Variants in SNX19 observed in about 807,000 individuals in gnomAD.
The protein encoded by SNX19 is sorting nexin-19.
A neutral mutation model predicts 85.2 loss-of-function variants in SNX19; 60 were observed. The ratio of observed to expected loss-of-function variants is 0.70; its 90% CI spans 0.57 to 0.87. The LOEUF is 0.87. SNX19 is among the 40% of genes least tolerant of loss of function. SNX19 has a pLI of 0.00. For missense variants in SNX19, 1,201 were observed against 1,217.8 expected (o/e 0.99, Z 0.21); for synonymous variants, 520 against 470.0 (o/e 1.11, Z -1.38).
intron 1 of SNX19, among the ~76,000 whole-genome samples, chr11:130,913,597 G>C (rs1312786135): frequency 9.2e-6 from 1 of 108,124 alleles, no homozygotes; most frequent in Non-Finnish European, 2.3e-5. Context: ...TTCAAGTGTG[G>C]AAGGCAAGTA....
intron 8 of SNX19, among the ~76,000 whole-genome samples, chr11:130,885,315 A>G (rs1413301555): frequency 6.6e-6 from 1 of 152,232 alleles, no homozygotes; most frequent in African/African-American, 2.4e-5. Flanking sequence ...CATCCACTCC[A>G]TGTTCAAGGG....
intron 7 of SNX19, among the ~76,000 whole-genome samples, chr11:130,903,696 CATAT>C (rs146822848): frequency 2.2e-5 from 3 of 134,584 alleles, no homozygotes; most frequent in Admixed American, 8.4e-5. Context: ...TGTATATATA[CATAT>C]ATATATATAT....
At chr11:130,910,752 G>A (rs1017466515) in intron 2 of SNX19, among the ~76,000 whole-genome samples, 9 of 152,150 alleles carry the variant, frequency 5.9e-5, no homozygotes, top group East Asian at 3.9e-4. Context: ...AGAACCTGGC[G>A]CATATTTTCA....
chr11:130,906,481 T>C (rs1168913094), intron 6 of SNX19, 144 bp downstream of exon 6: 8 of 683,692 alleles, frequency 1.2e-5, no homozygotes, highest in African/African-American at 1.8e-5. Context: ...GAAAATACTT[T>C]TAGCATAAAA....
Position 130,915,026 on chromosome 11 carries a change from G to A in SNX19, c.914C>T (p.Ala305Val). The A allele has an allele frequency of 6.2e-7, 1 of 1,614,182 alleles. No homozygotes were observed. Among genetic ancestry groups the A allele is most frequent in the Non-Finnish European group, 8.5e-7 (1 of 1,180,028 alleles). The change falls in exon 1 of 11, where the codon GCT becomes GTT. Residue 305 changes from alanine to valine, a missense_variant. Ala to Val is a moderately conservative substitution (Grantham distance 64). Coordinates refer to ENST00000265909, the MANE Select transcript of SNX19 (RefSeq NM_014758.3). Reference sequence around the variant, plus strand: ...GAATACTGGGGCTGCTACTGGAGAAGCTCTCCCTTCTGGAAGCTGCTCTAC... The same window carrying A: ...GAATACTGGGGCTGCTACTGGAGAAACTCTCCCTTCTGGAAGCTGCTCTAC... ...AEVEQLPEGR[A>V]SPVAAPVFLS... is the part of the protein sequence containing the mutation.
Position 130,914,990 on chromosome 11 carries a change from C to T in SNX19, c.950G>A (p.Ser317Asn). ...PVAAPVFLSYSEPEGSAGPSP... is the reference protein window; with the variant it reads ...PVAAPVFLSYNEPEGSAGPSP... ...GGGGCCTGCAGAACCCTCTGGCTCA[C>T]TGTAACTTAGGAATACTGGGGCTGC... The change falls in exon 1 of 11, where the codon AGT becomes AAT. Residue 317 changes from serine to asparagine, a missense_variant. Physicochemically the swap from Ser to Asn is conservative, Grantham distance 46. Around this residue, in one of 3 missense-constraint regions of SNX19, gnomAD observed 791 missense variants for 750.9 expected, o/e 1.05. Coordinates refer to ENST00000265909, the MANE Select transcript of SNX19 (RefSeq NM_014758.3). 2 of 1,614,204 alleles carry T rather than the reference C, an allele frequency of 1.2e-6. No individual in the cohort carries two copies. Among genetic ancestry groups the T allele is most frequent in the Non-Finnish European group, 1.7e-6 (2 of 1,180,026 alleles).
In SNX19 at chr11:130,908,002, C is replaced by T; in HGVS notation, c.2116G>A (p.Glu706Lys). Residue 706 changes from glutamate to lysine, a missense_variant, in exon 5 of 11, where the codon GAG (glutamate) becomes AAG (lysine). Physicochemically the swap from Glu to Lys is moderately conservative, Grantham distance 56. Transcript: ENST00000265909. ...TGGGGCTTGCTTTCGGTCTCGGCCT[C>T]ACTCAGCTCCTCTGTGGGGCTCTGG... is the stretch of plus-strand genomic sequence containing the variant. ...EPQSPTEELS[E>K]AETESKPQTE... 1.9e-6 allele frequency: 3 copies of T among 1,614,180 alleles called. No individual in the cohort carries two copies. Among genetic ancestry groups the T allele is most frequent in the Non-Finnish European group, 2.5e-6 (3 of 1,180,032 alleles).
intron 8 of SNX19, among the ~76,000 whole-genome samples, chr11:130,884,302 C>T (rs1943893027): frequency 6.6e-6 from 1 of 152,160 alleles, no homozygotes; most frequent in African/African-American, 2.4e-5. Flanking sequence ...AGTCTCAACT[C>T]CTCTCCATTA....
At position 130,888,033 on chromosome 11, in the gene SNX19, G is replaced by A. The variant is rs1200223176; in HGVS notation, c.2574-7227C>T. ...ATTGTGTTAGCTTTTTGGCACACAC[G>A]TCAAAAGCACTGACTCATATTGAGT... On this transcript the variant is annotated intron_variant, in intron 8 of 10. Transcript: ENST00000265909. 2.6e-5 allele frequency among the ~76,000 whole-genome samples: 4 copies of A among 151,206 alleles called. No homozygotes were observed. In the East Asian group the frequency reaches 7.8e-4, roughly 29 times the overall value.
intron 1 of SNX19, among the ~76,000 whole-genome samples, chr11:130,912,869 C>G (rs977721244): frequency 1.3e-5 from 2 of 152,126 alleles, no homozygotes; most frequent in African/African-American, 4.8e-5. Context: ...ACTTCCATCA[C>G]ATAAACCGAA....
In SNX19 at chr11:130,871,752, C is replaced by A. The variant is rs1252552948; in HGVS notation, c.*6670G>T. Among the ~76,000 whole-genome samples the A allele has an allele frequency of 6.6e-6, 1 of 152,168 alleles. No individual in the cohort carries two copies. The highest frequency in any genetic ancestry group is 1.5e-5 in the Non-Finnish European group (1 of 68,032). On this transcript the variant is annotated 3_prime_UTR_variant, in exon 11 of 11. Transcript: ENST00000265909. ...GTTAATCAAAGTTTCTGGAAGTAAT[C>A]ACAGCCAACTCTTCTTTGCTTATAA... is the stretch of plus-strand genomic sequence containing the variant.
chr11:130,903,720 C>CAT (rs1945438889), intron 7 of SNX19, among the ~76,000 whole-genome samples: 6 of 134,522 alleles, frequency 4.5e-5, no homozygotes, highest in African/African-American at 1.7e-4. Flanking sequence ...TACACATACA[C>CAT]ACACACACAC....
At chr11:130,914,012 G>C (rs1206634351) in intron 1 of SNX19, among the ~76,000 whole-genome samples, 3 of 152,232 alleles carry the variant, frequency 2.0e-5, no homozygotes, top group Non-Finnish European at 4.4e-5. Context: ...TTGAGGTGCA[G>C]CCAAGTTTGG....
At chr11:130,895,102 C>T (rs150170117) in intron 8 of SNX19, 10,602 of 985,386 alleles carry the variant, frequency 0.011, 67 homozygotes, top group Non-Finnish European at 0.012. Context: ...CCAGAGAGGG[C>T]AGGCTCGGTG....
At chr11:130,882,071 G>A (rs1428558355) in intron 8 of SNX19, among the ~76,000 whole-genome samples, 1 of 152,140 alleles carries the variant, frequency 6.6e-6, no homozygotes, top group Non-Finnish European at 1.5e-5. Context: ...AAAAATGAGG[G>A]GGAAGATATA....
chr11:130,903,394 A>G lies in SNX19; in HGVS notation c.2444-10T>C. ...AACTCTGTCTCTGTTCCTGAGGGAT[A>G]AAATGGCATCAGGAGTAACTCAGAA... is the stretch of plus-strand genomic sequence containing the variant. On this transcript the variant is annotated splice_polypyrimidine_tract_variant and intron_variant, in intron 7 of 10. Coordinates refer to ENST00000265909, the MANE Select transcript of SNX19 (RefSeq NM_014758.3). 6.2e-7 allele frequency: 1 copy of G among 1,611,664 alleles called. No homozygotes were observed. Among genetic ancestry groups the G allele is most frequent in the African/African-American group, 1.3e-5 (1 of 74,974 alleles).
At chr11:130,912,044 T>C (rs1946169426) in intron 1 of SNX19, among the ~76,000 whole-genome samples, 1 of 151,832 alleles carries the variant, frequency 6.6e-6, no homozygotes, top group Non-Finnish European at 1.5e-5. Flanking sequence ...ATAACTGTTT[T>C]TCAAATGAAT....
intron 3 of SNX19, 40 bp downstream of exon 3, chr11:130,910,230 G>C (rs1369721737): frequency 1.2e-6 from 2 of 1,612,120 alleles, no homozygotes; most frequent in African/African-American, 2.7e-5. Flanking sequence ...TAGACACCCA[G>C]GTTAAAGTGA....
chr11:130,880,736 C>A lies in SNX19; in HGVS notation c.2644G>T (p.Glu882Ter), dbSNP rs766376350. 4 of 1,611,664 alleles carry A rather than the reference C, an allele frequency of 2.5e-6. No individual in the cohort carries two copies. Among genetic ancestry groups the A allele is most frequent in the Non-Finnish European group, 2.5e-6 (3 of 1,178,242 alleles). The part of the protein sequence containing the change: ...RWVQYLLLLQ[E>*]SIWPGGVLPK... Reference sequence around the variant, plus strand: ...AAAACTCCACCAGGCCAGATGGACTCCTGAAGAAGCAGGAGGTACTGCACC... The same window carrying A: ...AAAACTCCACCAGGCCAGATGGACTACTGAAGAAGCAGGAGGTACTGCACC... The change falls in exon 9 of 11, where the codon GAG becomes TAG. Residue 882 changes from glutamate (E) to a stop codon, truncating the protein, a stop_gained. Coordinates refer to ENST00000265909, the MANE Select transcript of SNX19 (RefSeq NM_014758.3). LOFTEE classifies it high-confidence loss of function.
Sources: gnomAD v4.1 joint callset for allele counts (sites outside exome capture counted in the v4.1 genomes callset) on GRCh38, gnomAD v4.1.1 for gene constraint, gnomAD v4.1.1 regional missense constraint, MANE v1.5 for transcripts, NCBI Gene and HGNC (gene_info 2026-07-23, HGNC 2026-07-21) for gene names.